The following GPRC5A variants were observed in gnomAD, a reference collection of about 807,000 sequenced individuals.
GPRC5A encodes the protein retinoic acid-induced protein 3.
A neutral mutation model predicts 22.5 loss-of-function variants in GPRC5A; 19 were observed. The observed-to-expected ratio is 0.85, with a 90% confidence interval of 0.59 to 1.24. GPRC5A has a LOEUF of 1.24. Ranked by LOEUF, GPRC5A falls within the 50% of genes most tolerant of loss-of-function variation. The pLI is 0.00. For synonymous variants in GPRC5A, 192 were observed against 184.5 expected, an observed-to-expected ratio of 1.04 and a Z score of -0.33; for missense variants, 471 against 451.1, an observed-to-expected ratio of 1.04 and a Z score of -0.40.
At chr12:12,910,863 C>A (rs538079922) in intron 2 of GPRC5A, among the ~76,000 whole-genome samples, 1 of 150,076 alleles carries the variant, frequency 6.7e-6, no homozygotes, top group Non-Finnish European at 1.5e-5. Flanking sequence ...TGTGCTTCAC[C>A]ATCTCTCTCT....
chr12:12,897,225 C>G (rs1260886537), intron 1 of GPRC5A, among the ~76,000 whole-genome samples: 1 of 40,420 alleles, frequency 2.5e-5, no homozygotes, highest in Non-Finnish European at 4.7e-5. Flanking sequence ...AAGACCCTGT[C>G]TTAAAAAAAA....
At chr12:12,903,110 T>C (rs965750999) in intron 1 of GPRC5A, among the ~76,000 whole-genome samples, 3 of 152,066 alleles carry the variant, frequency 2.0e-5, no homozygotes, top group Non-Finnish European at 4.4e-5. Context: ...ATACTATTTA[T>C]AGATAAAATT....
intron 1 of GPRC5A, among the ~76,000 whole-genome samples, chr12:12,897,609 C>CT (rs35808659): frequency 0.11 from 15,273 of 134,090 alleles, 1,087 homozygotes; most frequent in South Asian, 0.21. Context: ...GAATACGCTT[C>CT]TTTTTTTTTT....
In GPRC5A at chr12:12,901,302, G is replaced by A. The variant is rs575753271; in HGVS notation, c.-7-6941G>A. 1.8e-4 allele frequency among the ~76,000 whole-genome samples: 28 copies of A among 152,154 alleles called. No individual in the cohort carries two copies. In the South Asian group the frequency reaches 3.3e-3, roughly 18 times the overall value. The stretch of plus-strand genomic sequence containing the variant: ...TCATGCTTTCCTGGGAGCCACCTGC[G>A]GCCACTAAGATAGGAGCGGGGTTCA... On this transcript the variant is annotated intron_variant, in intron 1 of 3. Coordinates refer to ENST00000014914, the MANE Select transcript of GPRC5A (RefSeq NM_003979.4).
chr12:12,898,917 C>T (rs1400558774), intron 1 of GPRC5A, among the ~76,000 whole-genome samples: 1 of 152,176 alleles, frequency 6.6e-6, no homozygotes, highest in Non-Finnish European at 1.5e-5. Flanking sequence ...TAGAATGGGT[C>T]ACTGTTTTCC....
In GPRC5A at chr12:12,913,579, T is replaced by C. The variant is rs1177732031; in HGVS notation, c.*1040T>C. Reference sequence around the variant, plus strand: ...TGGGCATGGTCTCCTAATGGAGGAGTGTTCATTGTATAATAAGTTATTCAC... The same window carrying C: ...TGGGCATGGTCTCCTAATGGAGGAGCGTTCATTGTATAATAAGTTATTCAC... On this transcript the variant is annotated 3_prime_UTR_variant, in exon 4 of 4. Coordinates refer to ENST00000014914, the MANE Select transcript of GPRC5A (RefSeq NM_003979.4). 1 of 152,020 alleles carries C rather than the reference T, an allele frequency of 6.6e-6. No individual in the cohort carries two copies. Among genetic ancestry groups the C allele is most frequent in the Non-Finnish European group, 1.5e-5 (1 of 67,996 alleles). The allele number at this position is 152,020 out of a possible 1,614,324, so 9.4% of individuals were successfully genotyped here. A position where few individuals can be genotyped will look rare whatever the true frequency, so the allele number is the denominator to read the frequency against.
intron 1 of GPRC5A, among the ~76,000 whole-genome samples, chr12:12,895,944 G>T (rs924298440): frequency 7.5e-6 from 1 of 133,886 alleles, no homozygotes; most frequent in Admixed American, 8.6e-5. Context: ...AGTGAGCCGA[G>T]ATCACGCCAC....
At chr12:12,908,164 C>A in intron 1 of GPRC5A, 79 bp from the exon 2 acceptor site, 2 of 1,019,676 alleles carry the variant, frequency 2.0e-6, no homozygotes, top group Non-Finnish European at 2.9e-6. Flanking sequence ...TTTCCTAATC[C>A]TTTTTTAGTC....
At chr12:12,909,860 A>C (rs1863984186) in intron 2 of GPRC5A, 1 of 140,568 alleles carries the variant, frequency 7.1e-6, no homozygotes, top group Admixed American at 7.6e-5. Context: ...GCCCTCTGGG[A>C]GGCTGAGGTG....
intron 1 of GPRC5A, among the ~76,000 whole-genome samples, chr12:12,900,923 A>AAAC (rs1555104732): frequency 0.024 from 2,649 of 109,088 alleles, 299 homozygotes; most frequent in East Asian, 0.061. Context: ...ACAAAAAAAA[A>AAAC]ACAACCCAGA....
At chr12:12,903,016 G>A (rs1029056542) in intron 1 of GPRC5A, among the ~76,000 whole-genome samples, 3 of 151,996 alleles carry the variant, frequency 2.0e-5, no homozygotes, top group African/African-American at 7.3e-5. Context: ...GCCGGGCGCC[G>A]ATATCGCGCC....
In GPRC5A at chr12:12,898,611, C is replaced by T. The variant is rs542210323; in HGVS notation, c.-8+6947C>T. ...TCTCAAGAGGACTTGGGTCTTTTGA[C>T]TTGTTATTCCTGGATAGCTCCACGT... On this transcript the variant is annotated intron_variant, in intron 1 of 3. Coordinates refer to ENST00000014914, the MANE Select transcript of GPRC5A (RefSeq NM_003979.4). Among the ~76,000 whole-genome samples, 14 of 152,256 alleles carry T rather than the reference C, an allele frequency of 9.2e-5. 1 individual carries two copies. Among genetic ancestry groups the T allele is most frequent in the African/African-American group, 2.9e-4 (12 of 41,558 alleles).
At chr12:12,895,670 G>T (rs1179522606) in intron 1 of GPRC5A, among the ~76,000 whole-genome samples, 1 of 151,416 alleles carries the variant, frequency 6.6e-6, no homozygotes, top group Non-Finnish European at 1.5e-5. Flanking sequence ...GGATCTTTGA[G>T]AGCCTTAAGA....
chr12:12,901,516 C>T (rs1295699499), intron 1 of GPRC5A, among the ~76,000 whole-genome samples: 1 of 152,260 alleles, frequency 6.6e-6, no homozygotes, highest in East Asian at 1.9e-4. Context: ...CCTTACCCCA[C>T]ACACCGAGCG....
In GPRC5A at chr12:12,916,155, T is replaced by G. The variant is rs1027779473; in HGVS notation, c.*3616T>G. Reference sequence around the variant, plus strand: ...GGAGAACATTCCGAAGCCGTTCTTATAAGTGTCTCCATCTCTACCTGGGCT... The same window carrying G: ...GGAGAACATTCCGAAGCCGTTCTTAGAAGTGTCTCCATCTCTACCTGGGCT... On this transcript the variant is annotated 3_prime_UTR_variant, in exon 4 of 4. Transcript: ENST00000014914. The G allele has an allele frequency of 5.9e-6, 1 of 168,476 alleles. No homozygotes were observed. The highest frequency in any genetic ancestry group is 2.4e-5 in the African/African-American group (1 of 41,864). 10.4% of individuals were successfully genotyped at this position (168,476 alleles called of 1,614,324 possible). A position where few individuals can be genotyped will look rare whatever the true frequency, so the allele number is the denominator to read the frequency against.
At chr12:12,897,825 T>A (rs1863838898) in intron 1 of GPRC5A, among the ~76,000 whole-genome samples, 3 of 151,944 alleles carry the variant, frequency 2.0e-5, no homozygotes, top group Admixed American at 2.0e-4. Flanking sequence ...GCCAGGCTGG[T>A]CTCTTAACGC....
intron 1 of GPRC5A, among the ~76,000 whole-genome samples, chr12:12,901,699 C>T (rs542889981): frequency 4.2e-5 from 6 of 143,246 alleles, no homozygotes; most frequent in South Asian, 2.2e-4. Flanking sequence ...ATAAGTGCTA[C>T]GGGAGGAAAA....
intron 1 of GPRC5A, among the ~76,000 whole-genome samples, chr12:12,894,962 C>T (rs975316166): frequency 9.9e-5 from 15 of 151,158 alleles, no homozygotes; most frequent in South Asian, 2.1e-4. Flanking sequence ...GTATTTTTAG[C>T]AGAGACAGGG....
At chr12:12,901,073 T>G (rs1168169442) in intron 1 of GPRC5A, among the ~76,000 whole-genome samples, 5 of 152,108 alleles carry the variant, frequency 3.3e-5, no homozygotes, top group Admixed American at 3.3e-4. Context: ...GATGGCTGTG[T>G]GTTAATTGTT....
Sources: allele counts gnomAD v4.1 joint callset (sites outside exome capture counted in the v4.1 genomes callset), GRCh38; gene constraint gnomAD v4.1.1; transcripts MANE v1.5; gene names NCBI Gene and HGNC (gene_info 2026-07-23, HGNC 2026-07-21).